The following ARID1B variants were observed in gnomAD, a reference collection of about 807,000 sequenced individuals.
ARID1B encodes the protein AT-rich interactive domain-containing protein 1B.
In ARID1B, 30 loss-of-function variants were observed where a neutral mutation model predicts 212.3. That is an observed-to-expected ratio of 0.14 (90% CI 0.11 to 0.19). The LOEUF (loss-of-function observed/expected upper bound fraction) is 0.19, where lower values mean the gene tolerates loss of function less well. Among genes scored for constraint, ARID1B ranks in the 10% least tolerant of loss-of-function variants. The pLI, the probability that ARID1B is intolerant of heterozygous loss-of-function variation, is 1.00. For synonymous variants in ARID1B, 1,402 were observed against 1,301.7 expected, an observed-to-expected ratio of 1.08 and a Z score of -1.66; for missense variants, 2,891 against 3,204.0, an observed-to-expected ratio of 0.90 and a Z score of 2.36.
At chr6:156,978,840 T>C (rs1777426621) in intron 4 of ARID1B, among the ~76,000 whole-genome samples, 1 of 152,254 alleles carries the variant, frequency 6.6e-6, no homozygotes, top group South Asian at 2.1e-4. Context: ...TCTAGCCACA[T>C]ACTCTTTTAG....
chr6:157,004,887 CTTCTTTT>C (rs1373280149), intron 4 of ARID1B, among the ~76,000 whole-genome samples: 3,496 of 73,532 alleles, frequency 0.048, 234 homozygotes, highest in East Asian at 0.097. Context: ...TCTTTTTCTT[CTTCTTTT>C]TTCTTTTTTT....
At chr6:156,797,517 G>A (rs190772095) in intron 1 of ARID1B, among the ~76,000 whole-genome samples, 13 of 152,242 alleles carry the variant, frequency 8.5e-5, no homozygotes, top group South Asian at 2.1e-4. Flanking sequence ...TGGCAGCCCC[G>A]ATGCCACCTT....
At chr6:157,013,112 C>T (rs1313485723) in intron 4 of ARID1B, among the ~76,000 whole-genome samples, 3 of 152,206 alleles carry the variant, frequency 2.0e-5, no homozygotes, top group Non-Finnish European at 4.4e-5. Flanking sequence ...CTCCTGACCT[C>T]AGGTGGTCCG....
intron 3 of ARID1B, among the ~76,000 whole-genome samples, chr6:156,932,146 G>A (rs1178214817): frequency 5.6e-4 from 41 of 73,642 alleles, no homozygotes; most frequent in African/African-American, 3.0e-3. Context: ...AAAAAAAAAA[G>A]GGGGGGGGCG....
rs779570779 is a variant in ARID1B, at chr6:157,200,982, A to G, written c.4757A>G (p.Asn1586Ser). ...QSSSSEGPQQ[N>S]MWAARNDMPY... Reference sequence around the variant, plus strand: ...TCCTCCAGTGAGGGGCCTCAGCAGAATATGTGGGCAGCACGCAATGATATG... The same window carrying G: ...TCCTCCAGTGAGGGGCCTCAGCAGAGTATGTGGGCAGCACGCAATGATATG... The change falls in exon 18 of 20, where the codon AAT becomes AGT. Residue 1586 changes from asparagine to serine, a missense_variant. By Grantham distance (46) the Asn-to-Ser change is conservative (BLOSUM62 1). Coordinates refer to ENST00000636930, the MANE Select transcript of ARID1B (RefSeq NM_001374828.1). The surrounding 1 kb of genome is among the most constrained non-coding windows in gnomAD (Gnocchi z 4.3). The G allele has an allele frequency of 6.2e-7, 1 of 1,614,146 alleles. No individual in the cohort carries two copies. Among genetic ancestry groups the G allele is most frequent in the South Asian group, 1.1e-5 (1 of 91,078 alleles).
At chr6:157,039,674 C>CTT (rs1781640510) in intron 4 of ARID1B, among the ~76,000 whole-genome samples, 1 of 76,938 alleles carries the variant, frequency 1.3e-5, no homozygotes, top group Non-Finnish European at 2.6e-5. Context: ...TCCTTCCTTC[C>CTT]TTCCTTCCTT....
At chr6:156,972,263 A>G (rs1260380044) in intron 4 of ARID1B, among the ~76,000 whole-genome samples, 1 of 152,194 alleles carries the variant, frequency 6.6e-6, no homozygotes, top group African/African-American at 2.4e-5. Flanking sequence ...AGGAGTGGAC[A>G]ATCAGAAATA....
At position 156,778,400 on chromosome 6, in the gene ARID1B, G is replaced by T. The variant is rs1778843256; in HGVS notation, c.720G>T (p.Pro240=). Residue 240 remains proline, a synonymous_variant, in exon 1 of 20, where the codon CCG becomes CCT. Coordinates refer to ENST00000636930, the MANE Select transcript of ARID1B (RefSeq NM_001374828.1). ...AGCCCGGCCCCGACATGGAGCAGCC[G>T]CAACATGGAGGCGCCAAGGACAGTG... ...APQPGPDMEQ[P]QHGGAKDSAA... 6.5e-7 allele frequency: 1 copy of T among 1,533,656 alleles called. No individual in the cohort carries two copies. The highest frequency in any genetic ancestry group is 8.7e-7 in the Non-Finnish European group (1 of 1,144,948).
chr6:156,840,049 A>G (rs941867190), intron 2 of ARID1B, among the ~76,000 whole-genome samples: 1 of 152,186 alleles, frequency 6.6e-6, no homozygotes, highest in African/African-American at 2.4e-5. Flanking sequence ...CGACAGTTCC[A>G]AAGTTTTTCT....
At chr6:157,128,276 A>T (rs1311067829) in intron 6 of ARID1B, among the ~76,000 whole-genome samples, 2 of 152,182 alleles carry the variant, frequency 1.3e-5, no homozygotes, top group Non-Finnish European at 2.9e-5. Flanking sequence ...GTTGGCATTT[A>T]ATTGTGATTT....
intron 3 of ARID1B, among the ~76,000 whole-genome samples, chr6:156,908,739 C>T (rs78538771): frequency 0.018 from 2,762 of 152,014 alleles, 42 homozygotes; most frequent in Non-Finnish European, 0.028. Context: ...TCTTGTTTTT[C>T]TAAATTGCTT....
Position 157,075,721 on chromosome 6 carries a change from G to A in ARID1B, c.2248-8941G>A, listed in dbSNP as rs535403628. 2.6e-5 allele frequency among the ~76,000 whole-genome samples: 4 copies of A among 152,354 alleles called. No individual in the cohort carries two copies. The South Asian group carries it at 6.2e-4, about 24-fold the overall frequency. ...GACCTCGTCCTCCCCGCTATGGTAC[G>A]ATATGAAGGACACTTCACTTCTGTG... On this transcript the variant is annotated intron_variant, in intron 4 of 19. Coordinates refer to ENST00000636930, the MANE Select transcript of ARID1B (RefSeq NM_001374828.1).
intron 1 of ARID1B, among the ~76,000 whole-genome samples, chr6:156,810,560 A>G (rs1277006627): frequency 6.6e-6 from 1 of 152,228 alleles, no homozygotes; most frequent in Non-Finnish European, 1.5e-5. Context: ...AGACAATGGC[A>G]ACCAAACCTT....
intron 4 of ARID1B, among the ~76,000 whole-genome samples, chr6:157,042,117 C>A (rs1185137668): frequency 6.6e-6 from 1 of 152,174 alleles, no homozygotes; most frequent in Admixed American, 6.5e-5. Context: ...CGCTAATACC[C>A]CACGTTACAC....
At chr6:157,175,635 C>G (rs1181033432) in intron 11 of ARID1B, 1 of 152,114 alleles carries the variant, frequency 6.6e-6, no homozygotes, top group African/African-American at 2.4e-5. Flanking sequence ...TTGTATTCTG[C>G]ACAAGACTGC....
chr6:157,025,790 T>C (rs976615249), intron 4 of ARID1B, among the ~76,000 whole-genome samples: 4 of 152,256 alleles, frequency 2.6e-5, no homozygotes, highest in African/African-American at 9.6e-5. Context: ...TAGGTTTTCA[T>C]GTTAATATAT....
chr6:156,899,119 G>A (rs1174996368), intron 2 of ARID1B, among the ~76,000 whole-genome samples: 2 of 152,206 alleles, frequency 1.3e-5, no homozygotes, highest in African/African-American at 4.8e-5. Flanking sequence ...AATGGCACCT[G>A]TATAGACTTG....
chr6:157,142,266 G>C (rs1444666954), intron 7 of ARID1B, among the ~76,000 whole-genome samples: 2 of 152,132 alleles, frequency 1.3e-5, no homozygotes, highest in East Asian at 3.9e-4. Context: ...TTTCTTGTGA[G>C]AGAAATATTC....
At chr6:157,178,482 A>T (rs572692502) in intron 11 of ARID1B, among the ~76,000 whole-genome samples, 1 of 152,254 alleles carries the variant, frequency 6.6e-6, no homozygotes, top group South Asian at 2.1e-4. Flanking sequence ...CAGTGGTGAA[A>T]CTGAGGCCCT....
Sources: gnomAD v4.1 joint callset for allele counts (sites outside exome capture counted in the v4.1 genomes callset) on GRCh38, gnomAD v4.1.1 for gene constraint, Gnocchi (gnomAD v3.1) non-coding constraint, MANE v1.5 for transcripts, NCBI Gene and HGNC (gene_info 2026-07-23, HGNC 2026-07-21) for gene names.